Variants in DCUN1D4 observed in about 807,000 individuals in gnomAD.
DCUN1D4 encodes the protein defective in cullin neddylation 1 domain containing 4, also known as DCN1-like protein 4.
DCUN1D4 carries 22 observed loss-of-function variants against 47.9 expected under a neutral mutation model. The ratio of observed to expected loss-of-function variants is 0.46; its 90% CI spans 0.33 to 0.66. The LOEUF (loss-of-function observed/expected upper bound fraction) is 0.66. Ranked by LOEUF, DCUN1D4 falls within the 30% of genes least tolerant of loss-of-function variation. The pLI, the probability that DCUN1D4 is intolerant of heterozygous loss-of-function variation, is 0.02. For missense variants in DCUN1D4, 301 were observed against 340.8 expected, an observed-to-expected ratio of 0.88 and a Z score of 0.92; for synonymous variants, 121 against 112.2, an observed-to-expected ratio of 1.08 and a Z score of -0.50.
chr4:51,914,753 A>G lies in DCUN1D4; in HGVS notation c.*1169A>G, dbSNP rs992281218. The G allele has an allele frequency of 4.6e-5, 7 of 152,186 alleles. No individual in the cohort carries two copies. Among genetic ancestry groups the G allele is most frequent in the African/African-American group, 1.2e-4 (5 of 41,352 alleles). The allele number at this position is 152,186 out of a possible 1,614,324, so 9.4% of individuals were successfully genotyped here. A position where few individuals can be genotyped will look rare whatever the true frequency, so the allele number is the denominator to read the frequency against. On this transcript the variant is annotated 3_prime_UTR_variant, in exon 11 of 11. Transcript: ENST00000334635. ...CCTGAGTTATTTGTACAGAAGGGCAATAGCCATTATTTTTGTGGATGAGGA... is the reference window on the plus strand; with the variant it reads ...CCTGAGTTATTTGTACAGAAGGGCAGTAGCCATTATTTTTGTGGATGAGGA...
chr4:51,913,847 G>GTTTAAAT lies in DCUN1D4; in HGVS notation c.*267_*273dup. Reference sequence around the variant, plus strand: ...TCACTGTGATTATGTGTATATTGCTGTTTAAATTTTGTATATGTGTATAAA... The same window carrying GTTTAAAT: ...TCACTGTGATTATGTGTATATTGCTGTTTAAATTTTAAATTTTGTATATGTGTATAAA... On this transcript the variant is annotated 3_prime_UTR_variant, in exon 11 of 11. Coordinates refer to ENST00000334635, the MANE Select transcript of DCUN1D4 (RefSeq NM_001040402.3). 1 of 373,582 alleles carries GTTTAAAT rather than the reference G, an allele frequency of 2.7e-6. No individual in the cohort carries two copies. Among genetic ancestry groups the GTTTAAAT allele is most frequent in the Non-Finnish European group, 4.8e-6 (1 of 209,494 alleles). 23.1% of individuals were successfully genotyped at this position (373,582 alleles called of 1,614,324 possible).
At chr4:51,894,740 T>A (rs1730973555) in intron 7 of DCUN1D4, among the ~76,000 whole-genome samples, 1 of 152,190 alleles carries the variant, frequency 6.6e-6, no homozygotes, top group Non-Finnish European at 1.5e-5. Flanking sequence ...TCATTTTAAT[T>A]TTATTAAACC....
intron 5 of DCUN1D4, among the ~76,000 whole-genome samples, chr4:51,881,385 AAAT>A (rs1157283509): frequency 1.6e-4 from 25 of 152,200 alleles, no homozygotes; most frequent in African/African-American, 6.0e-4. Context: ...CAGTTGCAAC[AAAT>A]AATAAACTGG....
intron 1 of DCUN1D4, chr4:51,844,946 C>G (rs1330140084): frequency 1.0e-6 from 1 of 985,360 alleles, no homozygotes; most frequent in Non-Finnish European, 1.2e-6. Context: ...GTTGAGTTCC[C>G]AGGGACGGAG....
chr4:51,867,813 G>T (rs1238389274), intron 3 of DCUN1D4, among the ~76,000 whole-genome samples: 3 of 152,250 alleles, frequency 2.0e-5, no homozygotes, highest in Non-Finnish European at 4.4e-5. Flanking sequence ...GCTTGAAGTT[G>T]GGGATTTACC....
intron 3 of DCUN1D4, among the ~76,000 whole-genome samples, chr4:51,869,165 A>G (rs368462672): frequency 1.9e-3 from 225 of 120,094 alleles, no homozygotes; most frequent in Middle Eastern, 7.2e-3. Context: ...AGAGGACCAA[A>G]AATAAAAAAA....
Position 51,877,872 on chromosome 4 carries a change from T to A in DCUN1D4, c.343+18T>A. 6.6e-7 allele frequency: 1 copy of A among 1,526,018 alleles called. No individual in the cohort carries two copies. The highest frequency in any genetic ancestry group is 9.1e-7 in the Non-Finnish European group (1 of 1,104,380). 94.5% of individuals were successfully genotyped at this position (1,526,018 alleles called of 1,614,324 possible). A position where few individuals can be genotyped will look rare whatever the true frequency, so the allele number is the denominator to read the frequency against. On this transcript the variant is annotated intron_variant, in intron 5 of 10. Transcript: ENST00000334635. Reference sequence around the variant, plus strand: ...ATATGCAGGTAGGTATTCATTTGTATCATCTAAGACTGATCCTTATGACAA... The same window carrying A: ...ATATGCAGGTAGGTATTCATTTGTAACATCTAAGACTGATCCTTATGACAA...
At chr4:51,845,219 G>A (rs2109785712) in intron 1 of DCUN1D4, 2 of 985,402 alleles carry the variant, frequency 2.0e-6, no homozygotes, top group Non-Finnish European at 2.4e-6. Context: ...GCATTCCCTT[G>A]CATAAATATG....
At chr4:51,863,571 T>C in intron 2 of DCUN1D4, 64 bp downstream of exon 2, 3 of 1,578,874 alleles carry the variant, frequency 1.9e-6, no homozygotes, top group Non-Finnish European at 2.6e-6. Context: ...TATAAGTGTA[T>C]TTGATAAAAA....
chr4:51,888,560 G>A (rs1286691741), intron 6 of DCUN1D4, among the ~76,000 whole-genome samples: 1 of 151,310 alleles, frequency 6.6e-6, no homozygotes, highest in Non-Finnish European at 1.5e-5. Context: ...GGCCAATAAG[G>A]CGAAACCCCG....
intron 1 of DCUN1D4, among the ~76,000 whole-genome samples, chr4:51,854,831 T>C (rs2109843932): frequency 6.6e-6 from 1 of 152,298 alleles, no homozygotes; most frequent in African/African-American, 2.4e-5. Flanking sequence ...TATCTGAAAA[T>C]CTGAAACCCA....
intron 7 of DCUN1D4, among the ~76,000 whole-genome samples, chr4:51,893,818 CGAG>C (rs1730821274): frequency 6.6e-6 from 1 of 152,160 alleles, no homozygotes. Context: ...AGCCTTCAGA[CGAG>C]GCACCATCAA....
intron 1 of DCUN1D4, chr4:51,848,165 A>T (rs182155501): frequency 7.9e-7 from 1 of 1,272,850 alleles, no homozygotes; most frequent in East Asian, 5.7e-5. Flanking sequence ...AGACAAAGTC[A>T]GTTGTATGCA....
At chr4:51,881,251 T>C (rs1226148826) in intron 5 of DCUN1D4, among the ~76,000 whole-genome samples, 3 of 152,230 alleles carry the variant, frequency 2.0e-5, no homozygotes, top group East Asian at 1.9e-4. Context: ...TTTACAGTTA[T>C]ACTAAAGCTC....
upstream of DCUN1D4, among the ~76,000 whole-genome samples, chr4:51,840,467 C>A (rs759901990): frequency 4.6e-5 from 7 of 152,166 alleles, no homozygotes; most frequent in Non-Finnish European, 1.0e-4. Context: ...AGTTGAGAAA[C>A]CTGAATTTAA....
intron 8 of DCUN1D4, among the ~76,000 whole-genome samples, chr4:51,901,238 A>G (rs538758965): frequency 6.6e-6 from 1 of 152,106 alleles, no homozygotes; most frequent in African/African-American, 2.4e-5. Context: ...TTCCCTGTGT[A>G]TACGACACAG....
chr4:51,849,989 G>T (rs551523310), intron 1 of DCUN1D4, among the ~76,000 whole-genome samples: 1 of 152,026 alleles, frequency 6.6e-6, no homozygotes, highest in African/African-American at 2.4e-5. Flanking sequence ...TTTAAGTGTT[G>T]TTGGGTGAAT....
intron 1 of DCUN1D4, chr4:51,844,854 A>G (rs1039380242): frequency 1.0e-6 from 1 of 985,190 alleles, no homozygotes. Flanking sequence ...GGGTCCCGGC[A>G]TGCAGCGCGC....
At chr4:51,906,418 T>C (rs1470545357) in intron 8 of DCUN1D4, among the ~76,000 whole-genome samples, 1 of 152,244 alleles carries the variant, frequency 6.6e-6, no homozygotes, top group East Asian at 1.9e-4. Context: ...AGAAATCCTC[T>C]TGAAGCTTAA....
Sources: gnomAD v4.1 joint callset for allele counts (sites outside exome capture counted in the v4.1 genomes callset) on GRCh38, gnomAD v4.1.1 for gene constraint, MANE v1.5 for transcripts, NCBI Gene and HGNC (gene_info 2026-07-23, HGNC 2026-07-21) for gene names.